GALNT13: variants seen among roughly 807,000 people sequenced by gnomAD.
The protein encoded by GALNT13 is polypeptide N-acetylgalactosaminyltransferase 13, also known as UDP-GalNAc:polypeptide N-acetylgalactosaminyltransferase 13.
GALNT13 carries 28 observed loss-of-function variants against 64.2 expected under a neutral mutation model. The observed-to-expected ratio is 0.44, with a 90% CI of 0.32 to 0.60. The LOEUF is 0.60. GALNT13 is among the 20% of genes least tolerant of loss of function. The probability of loss-of-function intolerance (pLI) is 0.05; values close to 1 mark genes in which losing one functional copy is unlikely to be tolerated. For synonymous variants in GALNT13, 214 were observed against 224.6 expected, an observed-to-expected ratio of 0.95 and a Z score of 0.42; for missense variants, 577 against 669.8, an observed-to-expected ratio of 0.86 and a Z score of 1.53.
the GALNT13 span, among the ~76,000 whole-genome samples, chr2:153,165,449 T>A: frequency 6.6e-6 from 1 of 152,226 alleles, no homozygotes; most frequent in East Asian, 1.9e-4. Flanking sequence ...CCAGATTTAT[T>A]TTTGTCAACT....
the GALNT13 span, among the ~76,000 whole-genome samples, chr2:153,410,260 G>T: frequency 9.0e-4 from 137 of 151,724 alleles, 1 homozygote; most frequent in Admixed American, 5.6e-3. Flanking sequence ...ATTTTTTTAG[G>T]GGGGGTGGGG....
the GALNT13 span, among the ~76,000 whole-genome samples, chr2:153,711,198 A>C: frequency 6.6e-6 from 1 of 152,118 alleles, no homozygotes; most frequent in Non-Finnish European, 1.5e-5. Context: ...CAGGATGCTG[A>C]AATGAATTTA....
At chr2:154,220,540 A>G (rs1023601958) in intron 4 of GALNT13, among the ~76,000 whole-genome samples, 9 of 152,074 alleles carry the variant, frequency 5.9e-5, no homozygotes, top group Non-Finnish European at 1.3e-4. Flanking sequence ...ATACATGTGC[A>G]CATATGCATA....
the GALNT13 span, among the ~76,000 whole-genome samples, chr2:153,509,316 G>C: frequency 2.0e-5 from 3 of 152,172 alleles, no homozygotes; most frequent in Non-Finnish European, 4.4e-5. Context: ...CTGAAAACGG[G>C]GCGGGGCTTC....
At chr2:153,864,454 G>T in the GALNT13 span, among the ~76,000 whole-genome samples, 1 of 151,980 alleles carries the variant, frequency 6.6e-6, no homozygotes, top group Non-Finnish European at 1.5e-5. Flanking sequence ...TCATGATTTG[G>T]CTCTCTGTTT....
Position 153,997,874 on chromosome 2 carries a change from A to C in GALNT13, c.142+53235A>C, listed in dbSNP as rs534201344. Among the ~76,000 whole-genome samples, 16 of 151,970 alleles carry C rather than the reference A, an allele frequency of 1.1e-4. No homozygotes were observed. The South Asian group carries it at 3.1e-3, about 30-fold the overall frequency. On this transcript the variant is annotated intron_variant, in intron 3 of 12. Transcript: ENST00000392825. ...TGTTCTCATTGTTCAACTCCCACTT[A>C]TTTGTGAGAACATGTGGTGTTTGGT...
intron 8 of GALNT13, among the ~76,000 whole-genome samples, chr2:154,268,166 C>G (rs905971961): frequency 6.6e-6 from 1 of 151,990 alleles, no homozygotes; most frequent in Non-Finnish European, 1.5e-5. Flanking sequence ...TTTGTAATAC[C>G]GAAAGCCAGA....
chr2:153,892,088 T>C (rs1420684243), intron 1 of GALNT13, among the ~76,000 whole-genome samples: 7 of 152,056 alleles, frequency 4.6e-5, no homozygotes, highest in African/African-American at 1.7e-4. Flanking sequence ...CTTGTTCCTA[T>C]TGCTGTTGCT....
the GALNT13 span, among the ~76,000 whole-genome samples, chr2:153,474,376 T>C: frequency 6.6e-6 from 1 of 152,118 alleles, no homozygotes; most frequent in South Asian, 2.1e-4. Context: ...TCAGAGTTAG[T>C]ATAGGAAGAC....
At chr2:154,310,436 T>C (rs1476389817) in intron 9 of GALNT13, among the ~76,000 whole-genome samples, 2 of 152,154 alleles carry the variant, frequency 1.3e-5, no homozygotes, top group Non-Finnish European at 2.9e-5. Context: ...CAGACACATA[T>C]TCATATATAT....
chr2:153,511,190 A>G, the GALNT13 span, among the ~76,000 whole-genome samples: 1 of 151,914 alleles, frequency 6.6e-6, no homozygotes, highest in Admixed American at 6.6e-5. Flanking sequence ...GGTCCTGGGA[A>G]TGACTCAGCA....
chr2:153,532,434 C>T, the GALNT13 span, among the ~76,000 whole-genome samples: 16 of 152,256 alleles, frequency 1.1e-4, no homozygotes, highest in South Asian at 2.1e-4. Context: ...TTCTCTCATA[C>T]GCCTCTGGAC....
the GALNT13 span, among the ~76,000 whole-genome samples, chr2:153,456,343 C>G: frequency 2.6e-5 from 4 of 152,184 alleles, no homozygotes; most frequent in African/African-American, 9.6e-5. Context: ...TTCCTAGAGT[C>G]TTCCAAAATG....
chr2:153,906,402 C>G (rs1304175882), intron 2 of GALNT13, among the ~76,000 whole-genome samples: 1 of 138,518 alleles, frequency 7.2e-6, no homozygotes. Context: ...CCCCTCCCCC[C>G]ACTCCACAAC....
At chr2:154,098,301 T>G (rs1404834749) in intron 3 of GALNT13, among the ~76,000 whole-genome samples, 1 of 151,950 alleles carries the variant, frequency 6.6e-6, no homozygotes, top group Non-Finnish European at 1.5e-5. Flanking sequence ...ATCCCCTGAT[T>G]ATCTCCCTCC....
chr2:153,585,332 T>C, the GALNT13 span, among the ~76,000 whole-genome samples: 1 of 152,118 alleles, frequency 6.6e-6, no homozygotes, highest in Non-Finnish European at 1.5e-5. Context: ...GAAGAAAGAA[T>C]TTCAGAACTT....
intron 3 of GALNT13, among the ~76,000 whole-genome samples, chr2:154,043,452 A>ATG (rs1699110663): frequency 1.5e-5 from 2 of 129,526 alleles, no homozygotes; most frequent in African/African-American, 6.0e-5. Context: ...ATATATATAT[A>ATG]TATACACACA....
the GALNT13 span, among the ~76,000 whole-genome samples, chr2:153,197,932 G>A: frequency 3.3e-5 from 5 of 152,270 alleles, no homozygotes; most frequent in South Asian, 2.1e-4. Flanking sequence ...CAGGCTCTTC[G>A]GAGCATGCAC....
chr2:154,036,699 T>C (rs1261865624), intron 3 of GALNT13, among the ~76,000 whole-genome samples: 1 of 152,168 alleles, frequency 6.6e-6, no homozygotes, highest in Non-Finnish European at 1.5e-5. Context: ...GCATTGTTAC[T>C]TTGACCTCTA....
Sources: allele counts gnomAD v4.1 joint callset (sites outside exome capture counted in the v4.1 genomes callset), GRCh38; gene constraint gnomAD v4.1.1; transcripts MANE v1.5; gene names NCBI Gene and HGNC (gene_info 2026-07-23, HGNC 2026-07-21).